The following SNTG2 variants were observed in gnomAD, a reference collection of about 807,000 sequenced individuals.
The protein encoded by SNTG2 is gamma-2-syntrophin.
Under a neutral mutation model 70.9 loss-of-function variants are expected in SNTG2, and 74 were observed. That is an observed-to-expected ratio of 1.04 (90% CI 0.86 to 1.27). SNTG2 has a LOEUF of 1.27. Among genes scored for constraint, SNTG2 ranks in the 50% most tolerant of loss-of-function variants. The pLI is 0.00. For missense variants in SNTG2, 717 were observed against 690.7 expected (o/e 1.04, Z -0.43); for synonymous variants, 278 against 273.8 (o/e 1.02, Z -0.15).
At chr2:1,183,803 A>G (rs1026472199) in intron 8 of SNTG2, among the ~76,000 whole-genome samples, 1 of 152,182 alleles carries the variant, frequency 6.6e-6, no homozygotes, top group Non-Finnish European at 1.5e-5. Flanking sequence ...AATTAAGGAA[A>G]CCTAGAATAT....
intron 1 of SNTG2, among the ~76,000 whole-genome samples, chr2:1,041,973 T>G (rs546760471): frequency 4.6e-5 from 7 of 152,330 alleles, no homozygotes; most frequent in African/African-American, 1.7e-4. Context: ...TTATTATGAC[T>G]TAATAATACC....
chr2:1,007,022 C>T (rs904260946), intron 1 of SNTG2, among the ~76,000 whole-genome samples: 1 of 147,404 alleles, frequency 6.8e-6, no homozygotes, highest in Admixed American at 6.9e-5. Flanking sequence ...GAGCGAAACT[C>T]CATCTCAAAT....
At chr2:1,195,172 G>C (rs1672832319) in intron 8 of SNTG2, among the ~76,000 whole-genome samples, 2 of 152,158 alleles carry the variant, frequency 1.3e-5, no homozygotes, top group African/African-American at 4.8e-5. Context: ...ATTGTGAACA[G>C]TTCCACAATA....
intron 1 of SNTG2, among the ~76,000 whole-genome samples, chr2:986,809 A>G (rs1661338799): frequency 6.6e-6 from 1 of 152,230 alleles, no homozygotes; most frequent in Admixed American, 6.5e-5. Flanking sequence ...GTCCTTGGCA[A>G]TACAGAAAAA....
chr2:1,360,164 C>G (rs970723510), intron 16 of SNTG2, among the ~76,000 whole-genome samples: 2 of 152,200 alleles, frequency 1.3e-5, no homozygotes, highest in African/African-American at 4.8e-5. Context: ...CACATTTATC[C>G]TCTTACAGTT....
Position 1,237,897 on chromosome 2 carries a change from G to A in SNTG2, c.729G>A (p.Ala243=), listed in dbSNP as rs375566368. Residue 243 remains alanine, a synonymous_variant, in exon 10 of 17, where the codon GCG becomes GCA. Coordinates refer to ENST00000308624, the MANE Select transcript of SNTG2 (RefSeq NM_018968.4). The stretch of plus-strand genomic sequence containing the variant: ...CTCTCTCCCTCCCCAGGTGGAATGC[G>A]TTCGAGGTGCTCGCCCTGGACGGAG... ...KAGTEKLRWN[A]FEVLALDGVS... 18 of 1,602,034 alleles carry A rather than the reference G, an allele frequency of 1.1e-5. No individual in the cohort carries two copies. In the African/African-American group the frequency reaches 1.6e-4, roughly 14 times the overall value.
intron 4 of SNTG2, among the ~76,000 whole-genome samples, chr2:1,118,615 A>T (rs185009140): frequency 4.3e-4 from 66 of 152,310 alleles, no homozygotes; most frequent in African/African-American, 1.3e-3. Flanking sequence ...ATGAAATCAT[A>T]AAAAAATTCA....
At chr2:971,415 C>T (rs1001824504) in intron 1 of SNTG2, among the ~76,000 whole-genome samples, 7 of 151,924 alleles carry the variant, frequency 4.6e-5, no homozygotes, top group Admixed American at 3.3e-4. Flanking sequence ...GGAATTTATT[C>T]ATTTCTTTTA....
intron 9 of SNTG2, among the ~76,000 whole-genome samples, chr2:1,215,184 C>A (rs1674299021): frequency 6.6e-6 from 1 of 152,028 alleles, no homozygotes; most frequent in Admixed American, 6.6e-5. Flanking sequence ...AGGATATTGG[C>A]CTGTAATTTT....
At chr2:1,221,435 C>A in intron 9 of SNTG2, among the ~76,000 whole-genome samples, 1 of 131,222 alleles carries the variant, frequency 7.6e-6, no homozygotes, top group Non-Finnish European at 1.6e-5. Flanking sequence ...CTGTCTCTCT[C>A]TGTCTCTGTC....
At chr2:1,064,383 T>C (rs559072985) in intron 1 of SNTG2, among the ~76,000 whole-genome samples, 18 of 151,606 alleles carry the variant, frequency 1.2e-4, no homozygotes, top group Non-Finnish European at 2.4e-4. Flanking sequence ...AAAGCACATA[T>C]CCACATATGT....
chr2:1,253,292 G>C (rs1208888128), intron 12 of SNTG2, among the ~76,000 whole-genome samples: 2 of 151,526 alleles, frequency 1.3e-5, no homozygotes, highest in Non-Finnish European at 2.9e-5. Context: ...AGGAGAGAAA[G>C]CCGAGGTCTC....
At chr2:1,356,084 C>G (rs1174311041) in intron 16 of SNTG2, among the ~76,000 whole-genome samples, 2 of 152,148 alleles carry the variant, frequency 1.3e-5, no homozygotes, top group Non-Finnish European at 2.9e-5. Flanking sequence ...ACATTTTGGA[C>G]ATTAACCCCT....
intron 12 of SNTG2, among the ~76,000 whole-genome samples, chr2:1,255,885 A>AATATATATATATATATATAAAT (rs1305282798): frequency 4.4e-5 from 4 of 90,478 alleles, no homozygotes; most frequent in Non-Finnish European, 9.0e-5. Context: ...TATATATATA[A>AATATATATATATATATATAAAT]ATATATATAA....
chr2:1,076,026 T>G (rs1021342043), intron 1 of SNTG2, among the ~76,000 whole-genome samples: 1 of 152,190 alleles, frequency 6.6e-6, no homozygotes, highest in African/African-American at 2.4e-5. Context: ...GCAGACGTCG[T>G]CGGACGTGTC....
chr2:1,332,308 C>T (rs1196367354), intron 16 of SNTG2, among the ~76,000 whole-genome samples: 3 of 152,108 alleles, frequency 2.0e-5, no homozygotes, highest in African/African-American at 4.8e-5. Context: ...AGTGCAAGGA[C>T]AAGGACGAGG....
intron 8 of SNTG2, among the ~76,000 whole-genome samples, chr2:1,190,498 T>C (rs1274360912): frequency 2.9e-4 from 2 of 6,972 alleles, no homozygotes; most frequent in African/African-American, 8.0e-4. Context: ...GGGCTGACTA[T>C]ATATATATAT....
chr2:1,262,815 A>AAGGCTCCGTGCAGACGAGGC (rs1678513749), intron 13 of SNTG2: 1 of 140,246 alleles, frequency 7.1e-6, no homozygotes, highest in African/African-American at 2.8e-5. Context: ...CCAGACGACG[A>AAGGCTCCGTGCAGACGAGGC]AACCCGAAGG....
intron 2 of SNTG2, among the ~76,000 whole-genome samples, chr2:1,089,794 AT>A (rs1179106320): frequency 6.6e-6 from 1 of 152,240 alleles, no homozygotes; most frequent in Non-Finnish European, 1.5e-5. Context: ...AAACATTTTT[AT>A]TTTTTTAAGT....
Sources: gnomAD v4.1 joint callset for allele counts (sites outside exome capture counted in the v4.1 genomes callset) on GRCh38, gnomAD v4.1.1 for gene constraint, MANE v1.5 for transcripts, NCBI Gene and HGNC (gene_info 2026-07-23, HGNC 2026-07-21) for gene names.